PHF6: variants seen among roughly 807,000 people sequenced by gnomAD.
The protein encoded by PHF6 is PHD-like zinc finger protein.
In PHF6, 7 loss-of-function variants were observed where a neutral mutation model predicts 34.0. The ratio of observed to expected loss-of-function variants is 0.21; its 90% confidence interval spans 0.12 to 0.39. PHF6 has a LOEUF of 0.39. Among genes scored for constraint, PHF6 ranks in the 10% least tolerant of loss-of-function variants. The pLI, the probability that PHF6 is intolerant of heterozygous loss-of-function variation, is 1.00. For synonymous variants in PHF6, 89 were observed against 88.4 expected, an observed-to-expected ratio of 1.01 and a Z score of -0.04; for missense variants, 128 against 262.8, an observed-to-expected ratio of 0.49 and a Z score of 3.55.
chrX:134,379,205 AAAAGCAATAT>A (rs1365656949), intron 3 of PHF6, among the ~76,000 whole-genome samples: 1 of 110,814 alleles, frequency 9.0e-6, no homozygotes, highest in Non-Finnish European at 1.9e-5. Context: ...GTTTTACATA[AAAAGCAATAT>A]GAAGAAATAT....
At chrX:134,379,088 A>G (rs1427528048) in intron 3 of PHF6, among the ~76,000 whole-genome samples, 1 of 112,253 alleles carries the variant, frequency 8.9e-6, no homozygotes. Flanking sequence ...CTTATTTCAC[A>G]AAGACTCTGA....
chrX:134,392,818 T>A (rs980530080), intron 3 of PHF6, among the ~76,000 whole-genome samples: 16 of 109,109 alleles, frequency 1.5e-4, no homozygotes, highest in Admixed American at 5.8e-4. Context: ...TTTTTTTTTT[T>A]AGACGGAGTC....
chrX:134,387,227 A>G (rs1177208374), intron 3 of PHF6, among the ~76,000 whole-genome samples: 1 of 111,933 alleles, frequency 8.9e-6, no homozygotes, highest in African/African-American at 3.2e-5. Flanking sequence ...GTAATGATGG[A>G]GGAAATTGGG....
At chrX:134,387,078 T>C (rs1312995959) in intron 3 of PHF6, among the ~76,000 whole-genome samples, 2 of 111,285 alleles carry the variant, frequency 1.8e-5, no homozygotes, top group Admixed American at 9.6e-5. Context: ...AAATGTGATT[T>C]TTTTTAAAAG....
At chrX:134,406,661 G>A (rs2077426458) in intron 5 of PHF6, among the ~76,000 whole-genome samples, 1 of 111,800 alleles carries the variant, frequency 8.9e-6, no homozygotes, top group Non-Finnish European at 1.9e-5. Context: ...CCATTCTAAC[G>A]TGACACAGAC....
chrX:134,383,452 TA>T (rs1219336841), intron 3 of PHF6, among the ~76,000 whole-genome samples: 1 of 110,861 alleles, frequency 9.0e-6, no homozygotes, highest in African/African-American at 3.3e-5. Flanking sequence ...TTTTTATTAT[TA>T]AAAAACCCTT....
chrX:134,426,252 C>T lies in PHF6; in HGVS notation c.*592C>T, dbSNP rs2077507189. 3 of 161,123 alleles carry T rather than the reference C, an allele frequency of 1.9e-5. No homozygotes were observed. Among genetic ancestry groups the T allele is most frequent in the Admixed American group, 1.6e-4 (2 of 12,205 alleles). 13.3% of individuals were successfully genotyped at this position (161,123 alleles called of 1,213,427 possible). A position where few individuals can be genotyped will look rare whatever the true frequency, so the allele number is the denominator to read the frequency against. ...TCTCACTGACCAGCATGGACTCAGG[C>T]AACTGGTAATGATAAGCTATGAGCT... On this transcript the variant is annotated 3_prime_UTR_variant, in exon 11 of 11. Transcript: ENST00000370803.
At position 134,427,368 on chromosome X, in the gene PHF6, G is replaced by A. The variant is rs1387573771; in HGVS notation, c.*1708G>A. The A allele has an allele frequency of 1.9e-5, 3 of 159,895 alleles. No individual in the cohort carries two copies. The highest frequency in any genetic ancestry group is 3.0e-5 in the African/African-American group (1 of 33,058). 13.2% of individuals were successfully genotyped at this position (159,895 alleles called of 1,213,427 possible). A position where few individuals can be genotyped will look rare whatever the true frequency, so the allele number is the denominator to read the frequency against. On this transcript the variant is annotated 3_prime_UTR_variant, in exon 11 of 11. Coordinates refer to ENST00000370803, the MANE Select transcript of PHF6 (RefSeq NM_001015877.2). The stretch of plus-strand genomic sequence containing the variant: ...ATCTGTACTTTCTTTCCTTACAACA[G>A]CTTGAAAATCATTATTTTAAAATCC...
At chrX:134,394,727 G>A (rs2077369900) in intron 5 of PHF6, among the ~76,000 whole-genome samples, 1 of 109,429 alleles carries the variant, frequency 9.1e-6, no homozygotes, top group Non-Finnish European at 1.9e-5. Context: ...TTTTAGTAGA[G>A]ATGGGGTTTC....
chrX:134,383,335 C>T (rs887941632), intron 3 of PHF6, among the ~76,000 whole-genome samples: 1 of 111,138 alleles, frequency 9.0e-6, no homozygotes, highest in Non-Finnish European at 1.9e-5. Flanking sequence ...TAATATATAA[C>T]ACTCTTCAGA....
chrX:134,377,795 A>G, intron 2 of PHF6, 40 bp downstream of exon 2: 1 of 1,177,541 alleles, frequency 8.5e-7, no homozygotes, highest in Non-Finnish European at 1.2e-6. Flanking sequence ...GAAACGATTC[A>G]TGAGACTCTT....
At chrX:134,413,420 T>C in intron 5 of PHF6, 71 bp from the exon 6 acceptor site, 6 of 1,063,280 alleles carry the variant, frequency 5.6e-6, no homozygotes, top group Non-Finnish European at 7.8e-6. Flanking sequence ...GAAACATATG[T>C]CCTAAAGACC....
Position 134,426,753 on chromosome X carries a change from A to G in PHF6, c.*1093A>G, listed in dbSNP as rs369003221. The G allele has an allele frequency of 1.5e-4, 24 of 160,636 alleles. No individual in the cohort carries two copies. The East Asian group carries it at 1.6e-3, about 10-fold the overall frequency. 13.2% of individuals were successfully genotyped at this position (160,636 alleles called of 1,213,427 possible). The stretch of plus-strand genomic sequence containing the variant: ...TGAAAGCCTAAGAACCCAGCTTTTT[A>G]GAAAGGATTTTCACACTGGCATTTC... On this transcript the variant is annotated 3_prime_UTR_variant, in exon 11 of 11. Transcript: ENST00000370803.
intron 5 of PHF6, among the ~76,000 whole-genome samples, chrX:134,408,491 TTA>T (rs2077435177): frequency 9.0e-6 from 1 of 111,683 alleles, no homozygotes; most frequent in African/African-American, 3.3e-5. Context: ...GTGCTAGGTA[TTA>T]TGTCTTTAAT....
intron 4 of PHF6, 24 bp downstream of exon 4, chrX:134,393,658 GT>G (rs371240179): frequency 1.6e-4 from 170 of 1,043,726 alleles, no homozygotes; most frequent in African/African-American, 8.2e-4. Flanking sequence ...TTCTCTTTAA[GT>G]TTTTTTTTTA....
At chrX:134,382,429 A>G (rs1398581328) in intron 3 of PHF6, among the ~76,000 whole-genome samples, 2 of 111,378 alleles carry the variant, frequency 1.8e-5, no homozygotes, top group African/African-American at 6.5e-5. Flanking sequence ...TCCAAGTAAA[A>G]TTATGAGTTA....
chrX:134,423,702 C>CA (rs2077498953), intron 9 of PHF6, among the ~76,000 whole-genome samples: 1 of 111,667 alleles, frequency 9.0e-6, no homozygotes, highest in African/African-American at 3.3e-5. Flanking sequence ...TCCTGAACCC[C>CA]ACCCCTGCCT....
At chrX:134,388,275 G>A (rs1271595401) in intron 3 of PHF6, among the ~76,000 whole-genome samples, 1 of 111,418 alleles carries the variant, frequency 9.0e-6, no homozygotes, top group African/African-American at 3.3e-5. Context: ...GTTTTTATTG[G>A]AGGTAGTATT....
intron 5 of PHF6, among the ~76,000 whole-genome samples, chrX:134,394,819 G>T (rs1055928722): frequency 1.4e-4 from 15 of 109,977 alleles, no homozygotes; most frequent in African/African-American, 4.6e-4. Context: ...GATTACAGGC[G>T]TGAGCCACTG....
Sources: allele counts gnomAD v4.1 joint callset (sites outside exome capture counted in the v4.1 genomes callset), GRCh38; gene constraint gnomAD v4.1.1; transcripts MANE v1.5; gene names NCBI Gene and HGNC (gene_info 2026-07-23, HGNC 2026-07-21).